The following RHPN2 variants were observed in gnomAD, a reference collection of about 807,000 sequenced individuals.
RHPN2 encodes the protein rhophilin Rho GTPase binding protein 2, also known as rhophilin-2.
Under a neutral mutation model 79.0 loss-of-function variants are expected in RHPN2, and 40 were observed. The observed-to-expected ratio is 0.51, with a 90% CI of 0.39 to 0.66. RHPN2 has a LOEUF of 0.66. Among genes scored for constraint, RHPN2 ranks in the 30% least tolerant of loss-of-function variants. The pLI, the probability that RHPN2 is intolerant of heterozygous loss-of-function variation, is 0.00. For missense variants in RHPN2, 686 were observed against 883.5 expected (o/e 0.78, Z 2.83); for synonymous variants, 285 against 363.5 (o/e 0.78, Z 2.46).
chr19:32,990,690 T>C lies in RHPN2; in HGVS notation c.1645-21A>G, dbSNP rs1337228490. 6.9e-6 allele frequency: 11 copies of C among 1,593,502 alleles called. No homozygotes were observed. The East Asian group carries it at 2.5e-4, about 37-fold the overall frequency. On this transcript the variant is annotated intron_variant, in intron 13 of 14. Coordinates refer to ENST00000254260, the MANE Select transcript of RHPN2 (RefSeq NM_033103.5). ...GCCACCTGAAAAAGTATTGTTGAAATTAAGTCAACGTTTTGTTCACTCAAA... is the reference window on the plus strand; with the variant it reads ...GCCACCTGAAAAAGTATTGTTGAAACTAAGTCAACGTTTTGTTCACTCAAA...
intron 1 of RHPN2, among the ~76,000 whole-genome samples, chr19:33,058,749 C>T (rs1383802243): frequency 6.6e-6 from 1 of 152,134 alleles, no homozygotes; most frequent in Non-Finnish European, 1.5e-5. Flanking sequence ...CATTCCATTC[C>T]AGCCTGGCGA....
Position 32,979,859 on chromosome 19 carries a change from C to T in RHPN2, c.*137G>A, listed in dbSNP as rs879277059. The T allele has an allele frequency of 1.3e-5, 15 of 1,112,034 alleles. No homozygotes were observed. Among genetic ancestry groups the T allele is most frequent in the Non-Finnish European group, 1.8e-5 (14 of 762,352 alleles). 68.9% of individuals were successfully genotyped at this position (1,112,034 alleles called of 1,614,324 possible). On this transcript the variant is annotated 3_prime_UTR_variant, in exon 15 of 15. Coordinates refer to ENST00000254260, the MANE Select transcript of RHPN2 (RefSeq NM_033103.5). The stretch of plus-strand genomic sequence containing the variant: ...TTGGTTACTTTCCTTCATAAAAACA[C>T]ATCAAATGTGAGTTTACACTATGAG...
chr19:32,990,980 G>T (rs1482320323), intron 13 of RHPN2, among the ~76,000 whole-genome samples: 2 of 148,140 alleles, frequency 1.4e-5, no homozygotes, highest in East Asian at 4.1e-4. Flanking sequence ...AGTGAGCCGA[G>T]ATCGTGCCAC....
chr19:33,045,549 C>T (rs1972135766), intron 1 of RHPN2, among the ~76,000 whole-genome samples: 1 of 151,996 alleles, frequency 6.6e-6, no homozygotes, highest in Admixed American at 6.6e-5. Flanking sequence ...TCTCGGCTCA[C>T]TGCAACCTCT....
chr19:33,039,096 C>T (rs1455634736), intron 2 of RHPN2, among the ~76,000 whole-genome samples: 1 of 152,162 alleles, frequency 6.6e-6, no homozygotes, highest in Admixed American at 6.6e-5. Context: ...TAGTGACTTG[C>T]CGCAGCTTCA....
chr19:33,041,385 A>G (rs1222781108), intron 2 of RHPN2, among the ~76,000 whole-genome samples: 1 of 152,186 alleles, frequency 6.6e-6, no homozygotes, highest in Admixed American at 6.5e-5. Context: ...AAAATGCCCT[A>G]TTTGTTTTCG....
chr19:33,024,343 G>C (rs1232801257), intron 3 of RHPN2, among the ~76,000 whole-genome samples: 2 of 152,196 alleles, frequency 1.3e-5, no homozygotes, highest in African/African-American at 4.8e-5. Flanking sequence ...TGAGGCAGGA[G>C]GATTGCTTGA....
At chr19:33,029,554 G>A (rs1322331775) in intron 2 of RHPN2, among the ~76,000 whole-genome samples, 1 of 150,606 alleles carries the variant, frequency 6.6e-6, no homozygotes, top group Non-Finnish European at 1.5e-5. Flanking sequence ...AAGAAGAAGA[G>A]TCCAGGAATA....
chr19:32,985,797 A>T (rs1205572075), intron 14 of RHPN2, among the ~76,000 whole-genome samples: 1 of 152,048 alleles, frequency 6.6e-6, no homozygotes, highest in Non-Finnish European at 1.5e-5. Context: ...ACATCCTGCT[A>T]ATTTTTGTAT....
At chr19:33,051,990 CAAAA>C (rs1231161092) in intron 1 of RHPN2, among the ~76,000 whole-genome samples, 11 of 81,036 alleles carry the variant, frequency 1.4e-4, no homozygotes, top group Non-Finnish European at 1.1e-4. Flanking sequence ...GACCCTGTCT[CAAAA>C]AAAAAAAAAA....
At chr19:33,008,441 T>C (rs1415425789) in intron 6 of RHPN2, among the ~76,000 whole-genome samples, 1 of 151,484 alleles carries the variant, frequency 6.6e-6, no homozygotes, top group Non-Finnish European at 1.5e-5. Context: ...TTAATTTTTG[T>C]AGAGATGGGG....
At chr19:33,052,069 G>A (rs904536930) in intron 1 of RHPN2, among the ~76,000 whole-genome samples, 3 of 151,584 alleles carry the variant, frequency 2.0e-5, no homozygotes, top group Admixed American at 2.0e-4. Flanking sequence ...CCTTGATCTT[G>A]GATTTCTAGC....
At position 33,046,289 on chromosome 19, in the gene RHPN2, A is replaced by G. The variant is rs962200377; in HGVS notation, c.70-1925T>C. 1.1e-4 allele frequency among the ~76,000 whole-genome samples: 17 copies of G among 152,076 alleles called. 1 individual carries two copies. Among genetic ancestry groups the G allele is most frequent in the Non-Finnish European group, 1.2e-4 (8 of 68,020 alleles). On this transcript the variant is annotated intron_variant, in intron 1 of 14. Transcript: ENST00000254260. ...ATTTTTGATTCTGTTTTTTTGAGAC[A>G]GAGGCTTGTTCTGTCGTCCAGGCTT...
rs1283753477 is a variant in RHPN2 at position 33,000,801 on chromosome 19, A to T, written c.1106-1096T>A. Among the ~76,000 whole-genome samples the T allele has an allele frequency of 2.6e-5, 4 of 152,220 alleles. No homozygotes were observed. The East Asian group carries it at 7.7e-4, about 29-fold the overall frequency. On this transcript the variant is annotated intron_variant, in intron 9 of 14. Transcript: ENST00000254260. ...ACCCTTCCCTCCTGTGCAGATGGAAAAGTTGAACTCAAATGTCACTGCCTC... is the reference window on the plus strand; with the variant it reads ...ACCCTTCCCTCCTGTGCAGATGGAATAGTTGAACTCAAATGTCACTGCCTC...
chr19:33,038,782 C>T (rs141634565), intron 2 of RHPN2, among the ~76,000 whole-genome samples: 5 of 152,260 alleles, frequency 3.3e-5, no homozygotes, highest in African/African-American at 9.6e-5. Flanking sequence ...CTCAGCCTCC[C>T]GAGTAGCTGG....
At position 32,990,603 on chromosome 19, in the gene RHPN2, G is replaced by A; in HGVS notation, c.1711C>T (p.Leu571=). ...IQLVDCKWLT[L]SEVMKLLKSF... is the part of the protein sequence containing the mutation. The stretch of plus-strand genomic sequence containing the variant: ...TTCAGCAGCTTCATAACCTCACTCA[G>A]CGTCAGCCACTTACAATCCACAAGC... Residue 571 remains leucine (L), a synonymous_variant, in exon 14 of 15, where the codon CTG becomes TTG. Coordinates refer to ENST00000254260, the MANE Select transcript of RHPN2 (RefSeq NM_033103.5). 1 of 1,613,036 alleles carries A rather than the reference G, an allele frequency of 6.2e-7. No individual in the cohort carries two copies. The highest frequency in any genetic ancestry group is 8.5e-7 in the Non-Finnish European group (1 of 1,179,670).
At chr19:33,056,149 G>A (rs950079960) in intron 1 of RHPN2, among the ~76,000 whole-genome samples, 1 of 53,936 alleles carries the variant, frequency 1.9e-5, no homozygotes, top group Non-Finnish European at 2.7e-5. Context: ...TTTTTTGCTC[G>A]TTGCCCTGGC....
At position 33,002,943 on chromosome 19, in the gene RHPN2, G is replaced by A. The variant is rs140759652; in HGVS notation, c.818C>T (p.Pro273Leu). 1.2e-6 allele frequency: 2 copies of A among 1,613,958 alleles called. No homozygotes were observed. The highest frequency in any genetic ancestry group is 1.1e-5 in the South Asian group (1 of 91,080). ...FTHTPSYDMS[P>L]AMLSVLVKMM... ...TTTGACGAGCACGCTGAGCATGGCAGGGCTCATGTCGTAACTTGGAGTATG... is the reference window on the plus strand; with the variant it reads ...TTTGACGAGCACGCTGAGCATGGCAAGGCTCATGTCGTAACTTGGAGTATG... Residue 273 changes from proline (P) to leucine (L), a missense_variant, in exon 8 of 15, where the codon CCT becomes CTT. Transcript: ENST00000254260.
intron 6 of RHPN2, 120 bp from the exon 7 acceptor site, chr19:33,008,300 G>A: frequency 1.0e-6 from 1 of 975,380 alleles, no homozygotes; most frequent in Non-Finnish European, 1.5e-6. Context: ...TGCCCAGGCT[G>A]GAGTGCAGTG....
Sources: gnomAD v4.1 joint callset for allele counts (sites outside exome capture counted in the v4.1 genomes callset) on GRCh38, gnomAD v4.1.1 for gene constraint, MANE v1.5 for transcripts, NCBI Gene and HGNC (gene_info 2026-07-23, HGNC 2026-07-21) for gene names.